Variants in DGKB observed in about 807,000 individuals in gnomAD.
The protein encoded by DGKB is diacylglycerol kinase beta.
Under a neutral mutation model 114.3 loss-of-function variants are expected in DGKB, and 67 were observed. That is an observed-to-expected ratio of 0.59 (90% CI 0.48 to 0.72). The LOEUF (loss-of-function observed/expected upper bound fraction) is 0.72, where lower values mean the gene tolerates loss of function less well. DGKB is among the 30% of genes least tolerant of loss of function. The pLI, the probability that DGKB is intolerant of heterozygous loss-of-function variation, is 0.00. For synonymous variants in DGKB, 398 were observed against 323.1 expected (o/e 1.23, Z -2.49); for missense variants, 907 against 975.2 (o/e 0.93, Z 0.93).
chr7:14,843,871 CA>C lies in DGKB; in HGVS notation c.-187-2422del, dbSNP rs11312630. Among the ~76,000 whole-genome samples, 3 of 2,842 alleles carry C rather than the reference CA, an allele frequency of 1.1e-3. No homozygotes were observed. In the African/African-American group the frequency reaches 0.044, roughly 42 times the overall value. 1.9% of individuals were successfully genotyped at this position (2,842 alleles called of 152,430 possible). On this transcript the variant is annotated intron_variant, in intron 1 of 25. Coordinates refer to ENST00000402815, the MANE Select transcript of DGKB (RefSeq NM_001350709.2). ...CAGCTTTATTGAGAGCTTACAGTTA[CA>C]CGAAAGGCAGTCTCCTAATCACATG...
chr7:14,666,358 C>G (rs1585487845), intron 13 of DGKB, among the ~76,000 whole-genome samples: 1 of 151,974 alleles, frequency 6.6e-6, no homozygotes, highest in African/African-American at 2.4e-5. Context: ...ACAACATAGA[C>G]TACATCTGTC....
At chr7:14,726,221 C>A (rs189543093) in intron 5 of DGKB, among the ~76,000 whole-genome samples, 2 of 152,100 alleles carry the variant, frequency 1.3e-5, no homozygotes, top group African/African-American at 2.4e-5. Flanking sequence ...CTCATGGCAA[C>A]CTCTGCCTCC....
intron 1 of DGKB, among the ~76,000 whole-genome samples, chr7:14,858,485 GA>G (rs754496821): frequency 1.3e-5 from 2 of 152,172 alleles, no homozygotes; most frequent in African/African-American, 4.8e-5. Flanking sequence ...AGACTTTTGT[GA>G]AAGGGTACAG....
intron 13 of DGKB, among the ~76,000 whole-genome samples, chr7:14,670,765 G>C (rs1450760428): frequency 6.6e-6 from 1 of 151,870 alleles, no homozygotes; most frequent in Non-Finnish European, 1.5e-5. Flanking sequence ...ATGTATTTTA[G>C]TACAACCAGG....
intron 1 of DGKB, among the ~76,000 whole-genome samples, chr7:14,934,755 C>T (rs565942492): frequency 6.6e-6 from 1 of 152,236 alleles, no homozygotes; most frequent in East Asian, 1.9e-4. Flanking sequence ...GAAACAAAGT[C>T]AAATGCTTAC....
chr7:14,645,948 TAA>T (rs1203097003), intron 13 of DGKB, among the ~76,000 whole-genome samples: 1 of 151,948 alleles, frequency 6.6e-6, no homozygotes, highest in Non-Finnish European at 1.5e-5. Flanking sequence ...AAAAATAACT[TAA>T]GAGAGAAAGA....
At chr7:14,635,218 T>C (rs1424756411) in intron 13 of DGKB, among the ~76,000 whole-genome samples, 1 of 105,300 alleles carries the variant, frequency 9.5e-6, no homozygotes, top group Non-Finnish European at 1.9e-5. Flanking sequence ...CTGTAATTGC[T>C]CACAAAATAT....
intron 21 of DGKB, among the ~76,000 whole-genome samples, chr7:14,354,533 C>T (rs1324342100): frequency 6.6e-6 from 1 of 152,060 alleles, no homozygotes; most frequent in Non-Finnish European, 1.5e-5. Context: ...CTCTACATAA[C>T]ACTTACTTTG....
chr7:14,324,382 G>A (rs1253972721), intron 23 of DGKB, among the ~76,000 whole-genome samples: 2 of 147,040 alleles, frequency 1.4e-5, no homozygotes, highest in Non-Finnish European at 3.0e-5. Context: ...AGGAGGCAGA[G>A]TTTGTACTGA....
At chr7:14,925,939 T>C (rs926958196) in intron 1 of DGKB, among the ~76,000 whole-genome samples, 1 of 152,066 alleles carries the variant, frequency 6.6e-6, no homozygotes, top group Non-Finnish European at 1.5e-5. Context: ...AAAGTTCTGA[T>C]ATTGTGTTGA....
chr7:14,576,582 T>C (rs906903756), intron 19 of DGKB, among the ~76,000 whole-genome samples: 3 of 152,216 alleles, frequency 2.0e-5, no homozygotes, highest in East Asian at 3.9e-4. Context: ...TGTATACATA[T>C]ATACAATTAG....
At chr7:14,236,964 A>T (rs1297065677) in intron 23 of DGKB, among the ~76,000 whole-genome samples, 1 of 151,670 alleles carries the variant, frequency 6.6e-6, no homozygotes, top group African/African-American at 2.4e-5. Context: ...ATTTCTTGGC[A>T]ATGTGGTAGT....
chr7:14,933,530 C>T (rs1416948536), intron 1 of DGKB, among the ~76,000 whole-genome samples: 2 of 152,156 alleles, frequency 1.3e-5, no homozygotes, highest in Non-Finnish European at 2.9e-5. Flanking sequence ...TTTCTTCAAA[C>T]AATTATTGTT....
intron 2 of DGKB, among the ~76,000 whole-genome samples, chr7:14,777,450 C>T (rs902192055): frequency 6.6e-6 from 1 of 152,070 alleles, no homozygotes; most frequent in Non-Finnish European, 1.5e-5. Flanking sequence ...ATGGGAGGGA[C>T]CTGGTGGGAG....
intron 23 of DGKB, among the ~76,000 whole-genome samples, chr7:14,320,831 A>G (rs1807630881): frequency 6.6e-6 from 1 of 152,108 alleles, no homozygotes; most frequent in Admixed American, 6.5e-5. Context: ...CTTATTAAAT[A>G]AACCTAATGA....
intron 1 of DGKB, among the ~76,000 whole-genome samples, chr7:14,908,757 G>A (rs61373356): frequency 0.012 from 1,787 of 152,140 alleles, 42 homozygotes; most frequent in African/African-American, 0.04. Flanking sequence ...AGGAAGAGTG[G>A]AAAAATTTGT....
chr7:14,399,837 T>C (rs2128723658), intron 21 of DGKB, among the ~76,000 whole-genome samples: 1 of 151,998 alleles, frequency 6.6e-6, no homozygotes, highest in East Asian at 1.9e-4. Context: ...AGCCTTTGAA[T>C]CTAACAAAAT....
intron 15 of DGKB, among the ~76,000 whole-genome samples, chr7:14,616,558 T>C (rs544721302): frequency 6.6e-6 from 1 of 151,908 alleles, no homozygotes; most frequent in African/African-American, 2.4e-5. Context: ...AGGTGAAAGA[T>C]AAAAACACAA....
intron 2 of DGKB, among the ~76,000 whole-genome samples, chr7:14,770,344 A>G (rs1172089697): frequency 6.6e-6 from 1 of 152,012 alleles, no homozygotes; most frequent in Non-Finnish European, 1.5e-5. Flanking sequence ...GAATGTCTCC[A>G]CTAGGCCAGG....
Sources: gnomAD v4.1 joint callset for allele counts (sites outside exome capture counted in the v4.1 genomes callset) on GRCh38, gnomAD v4.1.1 for gene constraint, MANE v1.5 for transcripts, NCBI Gene and HGNC (gene_info 2026-07-23, HGNC 2026-07-21) for gene names.